ARHGAP15: variants seen among roughly 807,000 people sequenced by gnomAD.
The protein encoded by ARHGAP15 is Rho GTPase activating protein 15, also known as rho GTPase-activating protein 15.
A neutral mutation model predicts 63.7 loss-of-function variants in ARHGAP15; 51 were observed. That is an observed-to-expected ratio of 0.80 (90% CI 0.64 to 1.01). The LOEUF is 1.01. ARHGAP15 is among the 50% of genes least tolerant of loss of function. The pLI, the probability that ARHGAP15 is intolerant of heterozygous loss-of-function variation, is 0.00. For missense variants in ARHGAP15, 560 were observed against 564.6 expected, an observed-to-expected ratio of 0.99 and a Z score of 0.08; for synonymous variants, 191 against 193.8, an observed-to-expected ratio of 0.99 and a Z score of 0.12.
At chr2:143,457,789 A>T (rs950240884) in intron 8 of ARHGAP15, among the ~76,000 whole-genome samples, 8 of 151,752 alleles carry the variant, frequency 5.3e-5, no homozygotes, top group Non-Finnish European at 1.0e-4. Context: ...TAATTTAAAA[A>T]TTTTCTGTCA....
chr2:143,387,924 C>G (rs1274447995), intron 6 of ARHGAP15, among the ~76,000 whole-genome samples: 2 of 151,574 alleles, frequency 1.3e-5, no homozygotes, highest in Non-Finnish European at 2.9e-5. Flanking sequence ...CACACACACA[C>G]ACACGCATGC....
chr2:143,623,621 C>CA (rs908920114), intron 11 of ARHGAP15, among the ~76,000 whole-genome samples: 4 of 151,876 alleles, frequency 2.6e-5, no homozygotes, highest in South Asian at 2.1e-4. Context: ...TATATTCAGG[C>CA]AAAAAAAGGG....
chr2:143,470,292 GA>G (rs527918583), intron 8 of ARHGAP15, among the ~76,000 whole-genome samples: 2,801 of 126,654 alleles, frequency 0.022, 61 homozygotes, highest in African/African-American at 0.063. Context: ...CAAGGTTTTG[GA>G]AAAAAAAAAA....
chr2:143,271,758 G>A (rs183425956), intron 6 of ARHGAP15, among the ~76,000 whole-genome samples: 30 of 152,322 alleles, frequency 2.0e-4, no homozygotes, highest in Admixed American at 1.4e-3. Flanking sequence ...TTACAGGCAT[G>A]AGCCACCGTG....
chr2:143,536,944 A>G (rs1442053672), intron 10 of ARHGAP15, among the ~76,000 whole-genome samples: 8 of 152,092 alleles, frequency 5.3e-5, no homozygotes, highest in South Asian at 4.1e-4. Flanking sequence ...CTGAGGAATC[A>G]CCACACCGAC....
At chr2:143,612,082 A>C (rs909641706) in intron 11 of ARHGAP15, among the ~76,000 whole-genome samples, 2 of 152,148 alleles carry the variant, frequency 1.3e-5, no homozygotes, top group Non-Finnish European at 2.9e-5. Flanking sequence ...ATTTCCTCAT[A>C]CAAACTTTTG....
intron 10 of ARHGAP15, among the ~76,000 whole-genome samples, chr2:143,554,688 T>C (rs1695713286): frequency 6.6e-6 from 1 of 152,094 alleles, no homozygotes; most frequent in Non-Finnish European, 1.5e-5. Context: ...ATTCTGGGTG[T>C]AAGTGCATGA....
intron 12 of ARHGAP15, among the ~76,000 whole-genome samples, chr2:143,625,982 T>C (rs1430156562): frequency 6.6e-6 from 1 of 152,178 alleles, no homozygotes; most frequent in Non-Finnish European, 1.5e-5. Context: ...TTGAGAGATA[T>C]GGAAAGCAGG....
At chr2:143,198,567 A>G (rs1249552021) in intron 2 of ARHGAP15, among the ~76,000 whole-genome samples, 3 of 152,162 alleles carry the variant, frequency 2.0e-5, no homozygotes, top group Non-Finnish European at 4.4e-5. Context: ...ATAAATCATT[A>G]CAATGAAAAC....
intron 6 of ARHGAP15, among the ~76,000 whole-genome samples, chr2:143,328,884 A>G (rs1470350130): frequency 1.3e-5 from 2 of 152,268 alleles, no homozygotes; most frequent in East Asian, 1.9e-4. Flanking sequence ...GGTAAAGGAT[A>G]CTGTGTTTAC....
chr2:143,373,321 A>G (rs1260922783), intron 6 of ARHGAP15, among the ~76,000 whole-genome samples: 4 of 152,100 alleles, frequency 2.6e-5, no homozygotes, highest in South Asian at 4.1e-4. Flanking sequence ...TAACCGTCAC[A>G]TTTGCTATCT....
chr2:143,425,683 A>G (rs1348047579), intron 6 of ARHGAP15, among the ~76,000 whole-genome samples: 1 of 152,066 alleles, frequency 6.6e-6, no homozygotes, highest in African/African-American at 2.4e-5. Flanking sequence ...AACATTTTCA[A>G]TTTATTTAAG....
At chr2:143,483,665 T>G (rs1692181611) in intron 8 of ARHGAP15, among the ~76,000 whole-genome samples, 1 of 152,212 alleles carries the variant, frequency 6.6e-6, no homozygotes, top group African/African-American at 2.4e-5. Context: ...ACATGACTGG[T>G]GGTCACTGCG....
chr2:143,502,849 G>A (rs1008518674), intron 9 of ARHGAP15, among the ~76,000 whole-genome samples: 3 of 152,138 alleles, frequency 2.0e-5, no homozygotes, highest in African/African-American at 7.2e-5. Context: ...CCAAATGCTG[G>A]GATTACAGGT....
At chr2:143,236,057 C>G in intron 5 of ARHGAP15, 1 of 1,465,760 alleles carries the variant, frequency 6.8e-7, no homozygotes, top group Non-Finnish European at 9.1e-7. Flanking sequence ...AGAGAAGAAG[C>G]TCTGCAATTT....
intron 6 of ARHGAP15, among the ~76,000 whole-genome samples, chr2:143,254,187 G>A (rs1247436906): frequency 2.0e-5 from 3 of 152,056 alleles, no homozygotes; most frequent in Non-Finnish European, 4.4e-5. Flanking sequence ...GGATTAAAAG[G>A]ATTACAACAT....
chr2:143,553,738 T>G (rs1354846659), intron 10 of ARHGAP15, among the ~76,000 whole-genome samples: 1 of 152,186 alleles, frequency 6.6e-6, no homozygotes, highest in African/African-American at 2.4e-5. Flanking sequence ...TTTACAGAAA[T>G]TTATGAAAGA....
In ARHGAP15 at chr2:143,202,133, G is replaced by A. The variant is rs1692144325; in HGVS notation, c.166-1G>A. The A allele has an allele frequency of 1.2e-6, 2 of 1,609,078 alleles. No individual in the cohort carries two copies. Among genetic ancestry groups the A allele is most frequent in the Non-Finnish European group, 1.7e-6 (2 of 1,175,976 alleles). On this transcript the variant is annotated splice_acceptor_variant, in intron 2 of 13. Transcript: ENST00000295095. LOFTEE classifies it high-confidence loss of function. ...AATATCCAATGTCAATATATTTGCAGATATCCAGACACAGAAGGAATCATT... is the reference window on the plus strand; with the variant it reads ...AATATCCAATGTCAATATATTTGCAAATATCCAGACACAGAAGGAATCATT...
chr2:143,583,576 A>G (rs919584946), intron 11 of ARHGAP15, among the ~76,000 whole-genome samples: 1 of 152,152 alleles, frequency 6.6e-6, no homozygotes, highest in South Asian at 2.1e-4. Flanking sequence ...GGATTTCCCT[A>G]ATGAAATTTG....
Sources: gnomAD v4.1 joint callset for allele counts (sites outside exome capture counted in the v4.1 genomes callset) on GRCh38, gnomAD v4.1.1 for gene constraint, MANE v1.5 for transcripts, NCBI Gene and HGNC (gene_info 2026-07-23, HGNC 2026-07-21) for gene names.